XIRP2: variants seen among roughly 807,000 people sequenced by gnomAD.
XIRP2 encodes xin actin-binding repeat-containing protein 2.
Under a neutral mutation model 277.0 loss-of-function variants are expected in XIRP2, and 236 were observed. The ratio of observed to expected loss-of-function variants is 0.85; its 90% CI spans 0.77 to 0.95. The LOEUF (loss-of-function observed/expected upper bound fraction) is 0.95, where lower values mean the gene tolerates loss of function less well. Among genes scored for constraint, XIRP2 ranks in the 40% least tolerant of loss-of-function variants. The pLI, the probability that XIRP2 is intolerant of heterozygous loss-of-function variation, is 0.00. For synonymous variants in XIRP2, 1,490 were observed against 1,416.5 expected (o/e 1.05, Z -1.17); for missense variants, 4,640 against 4,157.5 (o/e 1.12, Z -3.19).
At chr2:167,132,951 A>T (rs1043486171) in intron 2 of XIRP2, among the ~76,000 whole-genome samples, 1 of 152,198 alleles carries the variant, frequency 6.6e-6, no homozygotes, top group African/African-American at 2.4e-5. Context: ...AAAAGGTGAA[A>T]AACATTTCTT....
chr2:167,085,158 G>A (rs1689890162), intron 2 of XIRP2, among the ~76,000 whole-genome samples: 1 of 150,712 alleles, frequency 6.6e-6, no homozygotes, highest in African/African-American at 2.4e-5. Flanking sequence ...GGTCTCGTTG[G>A]TTTCAAAGAA....
Position 167,045,471 on chromosome 2 carries a change from A to T in XIRP2, c.409-90438A>T, listed in dbSNP as rs1284344004. On this transcript the variant is annotated intron_variant, in intron 2 of 10. Transcript: ENST00000409195. ...TCATGACCGAGTAAACAGACAACCT[A>T]TTGAATGGGAGAAAATATTTGCAAC... Among the ~76,000 whole-genome samples, 3 of 152,160 alleles carry T rather than the reference A, an allele frequency of 2.0e-5. No individual in the cohort carries two copies. In the East Asian group the frequency reaches 5.8e-4, roughly 29 times the overall value.
chr2:167,251,969 TAAAG>T, intron 9 of XIRP2, 22 bp downstream of exon 9: 4 of 1,525,016 alleles, frequency 2.6e-6, no homozygotes, highest in Non-Finnish European at 3.5e-6. Flanking sequence ...TGCAATGTGT[TAAAG>T]AAGATTAACC....
chr2:166,917,075 G>T (rs996689147), intron 2 of XIRP2, among the ~76,000 whole-genome samples: 1 of 152,036 alleles, frequency 6.6e-6, no homozygotes, highest in African/African-American at 2.4e-5. Flanking sequence ...TATCTCAGTG[G>T]ACTTCTGTTT....
At chr2:167,137,436 G>C (rs116409606) in intron 3 of XIRP2, among the ~76,000 whole-genome samples, 3,334 of 152,262 alleles carry the variant, frequency 0.022, 50 homozygotes, top group East Asian at 0.052. Flanking sequence ...GGAAAAAGAA[G>C]CTTTAAGGAA....
intron 2 of XIRP2, among the ~76,000 whole-genome samples, chr2:167,097,690 C>A (rs1240784255): frequency 6.6e-6 from 1 of 152,124 alleles, no homozygotes; most frequent in Admixed American, 6.5e-5. Flanking sequence ...ATGGTTGGTA[C>A]CAGTTTTTCC....
Position 167,250,727 on chromosome 2 carries a change from C to T in XIRP2, c.9335C>T (p.Pro3112Leu). Residue 3112 changes from proline (P) to leucine (L), a missense_variant, in exon 9 of 11, where the codon CCC becomes CTC. Coordinates refer to ENST00000409195, the MANE Select transcript of XIRP2 (RefSeq NM_152381.6). Reference sequence around the variant, plus strand: ...CTTGATGATAGCAACATTCCTCCTCCCTCTTTAAAAACACGCCCACCGTCA... The same window carrying T: ...CTTGATGATAGCAACATTCCTCCTCTCTCTTTAAAAACACGCCCACCGTCA... ...IKLDDSNIPP[P>L]SLKTRPPSPT... 6.2e-7 allele frequency: 1 copy of T among 1,613,456 alleles called. No individual in the cohort carries two copies. Among genetic ancestry groups the T allele is most frequent in the Non-Finnish European group, 8.5e-7 (1 of 1,179,714 alleles).
intron 3 of XIRP2, among the ~76,000 whole-genome samples, chr2:167,167,440 T>C (rs1446597926): frequency 6.6e-6 from 1 of 152,146 alleles, no homozygotes; most frequent in East Asian, 1.9e-4. Flanking sequence ...TTTTGTGATA[T>C]TAATTGAGCA....
At chr2:167,190,384 C>A (rs1232393998) in intron 3 of XIRP2, among the ~76,000 whole-genome samples, 1 of 152,072 alleles carries the variant, frequency 6.6e-6, no homozygotes, top group Non-Finnish European at 1.5e-5. Context: ...CCCACCCCTA[C>A]CCCCCACTCC....
chr2:167,035,392 G>C (rs1688482695), intron 2 of XIRP2, among the ~76,000 whole-genome samples: 1 of 152,192 alleles, frequency 6.6e-6, no homozygotes. Flanking sequence ...ATTGGTCTCA[G>C]ATGGAGATAA....
rs370684383 is a variant in XIRP2, at chr2:167,056,182, G to A, written c.409-79727G>A. Reference sequence around the variant, plus strand: ...GACAGCTAAGATGGCATTTACTGAAGAAAATGAGGACAGCATTTATTTCTG... The same window carrying A: ...GACAGCTAAGATGGCATTTACTGAAAAAAATGAGGACAGCATTTATTTCTG... On this transcript the variant is annotated intron_variant, in intron 2 of 10. Transcript: ENST00000409195. 1.1e-3 allele frequency among the ~76,000 whole-genome samples: 164 copies of A among 152,196 alleles called. 1 individual carries two copies. The highest frequency in any genetic ancestry group is 3.8e-3 in the African/African-American group (156 of 41,544).
intron 1 of XIRP2, among the ~76,000 whole-genome samples, chr2:166,890,514 C>A (rs556577411): frequency 6.6e-6 from 1 of 152,256 alleles, no homozygotes; most frequent in East Asian, 1.9e-4. Context: ...CTGTAAATCC[C>A]TGAAGTCTGG....
rs761648845 is a variant in XIRP2, at chr2:167,248,155, A to G, written c.6763A>G (p.Met2255Val). 2 of 1,613,638 alleles carry G rather than the reference A, an allele frequency of 1.2e-6. No homozygotes were observed. The highest frequency in any genetic ancestry group is 1.7e-5 in the Admixed American group (1 of 59,970). ...DVHLKSQDFL[M>V]KTNTSTGLKM... is the part of the protein sequence containing the mutation. ...TCACTTGAAAAGCCAGGACTTTCTA[A>G]TGAAAACAAATACTTCCACAGGCTT... Residue 2255 changes from methionine to valine, a missense_variant, in exon 9 of 11, where the codon ATG becomes GTG. Coordinates refer to ENST00000409195, the MANE Select transcript of XIRP2 (RefSeq NM_152381.6).
intron 3 of XIRP2, among the ~76,000 whole-genome samples, chr2:167,145,969 G>A (rs903199334): frequency 1.3e-5 from 2 of 152,070 alleles, no homozygotes; most frequent in Non-Finnish European, 2.9e-5. Flanking sequence ...GAATTAAACA[G>A]TAAATGAATT....
intron 2 of XIRP2, among the ~76,000 whole-genome samples, chr2:167,070,171 A>T (rs1170045687): frequency 6.6e-6 from 1 of 151,790 alleles, no homozygotes; most frequent in Non-Finnish European, 1.5e-5. Flanking sequence ...CTTAACTCTT[A>T]TCCATAGTCA....
At chr2:167,192,050 G>T (rs1261345735) in intron 3 of XIRP2, among the ~76,000 whole-genome samples, 1 of 151,792 alleles carries the variant, frequency 6.6e-6, no homozygotes, top group East Asian at 1.9e-4. Flanking sequence ...TAAAAAGCAC[G>T]TATTAGCATT....
At chr2:167,124,577 G>A (rs1336203460) in intron 2 of XIRP2, 1 of 152,166 alleles carries the variant, frequency 6.6e-6, no homozygotes, top group East Asian at 1.9e-4. Context: ...CTACAAAGGT[G>A]GATAAAGCAT....
intron 2 of XIRP2, among the ~76,000 whole-genome samples, chr2:167,011,640 A>G (rs1434653355): frequency 6.6e-6 from 1 of 151,664 alleles, no homozygotes; most frequent in Non-Finnish European, 1.5e-5. Flanking sequence ...TAGTTTCAGA[A>G]GGAATGGTAC....
chr2:166,905,629 T>C (rs1390406083), intron 2 of XIRP2, among the ~76,000 whole-genome samples: 1 of 152,022 alleles, frequency 6.6e-6, no homozygotes, highest in East Asian at 1.9e-4. Context: ...GGTATTTCCA[T>C]AAATGTATGA....
Sources: allele counts gnomAD v4.1 joint callset (sites outside exome capture counted in the v4.1 genomes callset), GRCh38; gene constraint gnomAD v4.1.1; transcripts MANE v1.5; gene names NCBI Gene and HGNC (gene_info 2026-07-23, HGNC 2026-07-21).